The following NFXL1 variants were observed in gnomAD, a reference collection of about 807,000 sequenced individuals.
NFXL1 encodes the protein NF-X1-type zinc finger protein NFXL1.
A neutral mutation model predicts 123.3 loss-of-function variants in NFXL1; 66 were observed. That is an observed-to-expected ratio of 0.54 (90% confidence interval 0.44 to 0.66). NFXL1 has a LOEUF of 0.66. Among genes scored for constraint, NFXL1 ranks in the 30% least tolerant of loss-of-function variants. The pLI is 0.00. For synonymous variants in NFXL1, 346 were observed against 360.8 expected (o/e 0.96, Z 0.46); for missense variants, 944 against 1,125.6 (o/e 0.84, Z 2.31).
intron 12 of NFXL1, among the ~76,000 whole-genome samples, chr4:47,888,710 T>C (rs185826354): frequency 3.3e-5 from 5 of 150,696 alleles, no homozygotes; most frequent in Admixed American, 3.3e-4. Context: ...TCTGAGAAAC[T>C]AAATAAAGCA....
At chr4:47,859,054 A>G (rs1734574900) in intron 19 of NFXL1, among the ~76,000 whole-genome samples, 1 of 152,210 alleles carries the variant, frequency 6.6e-6, no homozygotes, top group African/African-American at 2.4e-5. Context: ...GGTTATCTTT[A>G]CTACAGATTT....
intron 18 of NFXL1, among the ~76,000 whole-genome samples, chr4:47,871,058 A>G (rs1043683272): frequency 1.3e-5 from 2 of 152,198 alleles, no homozygotes; most frequent in Non-Finnish European, 2.9e-5. Flanking sequence ...GAGTTAGAAA[A>G]TTCCCACTTG....
intron 18 of NFXL1, among the ~76,000 whole-genome samples, chr4:47,870,257 T>C (rs1735351792): frequency 6.6e-6 from 1 of 152,178 alleles, no homozygotes; most frequent in Admixed American, 6.5e-5. Flanking sequence ...TATAGACTAA[T>C]ACAATTAATG....
At chr4:47,874,677 G>A (rs1735637860) in intron 18 of NFXL1, among the ~76,000 whole-genome samples, 1 of 148,544 alleles carries the variant, frequency 6.7e-6, no homozygotes, top group Non-Finnish European at 1.5e-5. Context: ...GTTGGAAAAA[G>A]GGCATCAATA....
At chr4:47,899,926 T>C (rs1737290558) in intron 5 of NFXL1, among the ~76,000 whole-genome samples, 1 of 152,208 alleles carries the variant, frequency 6.6e-6, no homozygotes, top group Non-Finnish European at 1.5e-5. Flanking sequence ...ACAGCACATA[T>C]CTAGAATACA....
intron 9 of NFXL1, 108 bp from the exon 10 acceptor site, chr4:47,896,755 T>C: frequency 4.7e-6 from 3 of 633,804 alleles, no homozygotes; most frequent in South Asian, 2.3e-5. Context: ...TTTCAGACTA[T>C]AAATTTTTGT....
At chr4:47,897,930 C>T in intron 9 of NFXL1, 37 bp downstream of exon 9, 2 of 1,288,604 alleles carry the variant, frequency 1.6e-6, no homozygotes, top group Non-Finnish European at 2.2e-6. Flanking sequence ...CTTGACAGAT[C>T]ATTTCCTATA....
rs752493580 is a variant in NFXL1, at chr4:47,885,963, T to A, written c.1580A>T (p.Lys527Met). The change falls in exon 13 of 23, where the codon AAG (lysine) becomes ATG (methionine). Residue 527 changes from lysine (K) to methionine (M), a missense_variant. By Grantham distance (95) the Lys-to-Met change is moderately conservative (BLOSUM62 -1). This residue lies in a region of NFXL1 where 296 missense variants were observed against 395.1 expected (regional missense o/e 0.75). Transcript: ENST00000507489. The part of the protein sequence containing the change: ...CYPCPETVDV[K>M]CNCGNTKVTV... ...CACCTTTGTATTGCCACAATTACAC[T>A]TCACATCTACGGTTTCTGGGCAGGG... is the stretch of plus-strand genomic sequence containing the variant. The A allele has an allele frequency of 6.8e-6, 11 of 1,613,680 alleles. No individual in the cohort carries two copies. The highest frequency in any genetic ancestry group is 4.4e-5 in the South Asian group (4 of 91,038).
intron 9 of NFXL1, among the ~76,000 whole-genome samples, chr4:47,897,510 T>A (rs1413752056): frequency 6.6e-6 from 1 of 152,284 alleles, no homozygotes; most frequent in East Asian, 1.9e-4. Flanking sequence ...TACATAATAA[T>A]GACAATAGCA....
At chr4:47,871,337 C>A (rs1408451723) in intron 18 of NFXL1, among the ~76,000 whole-genome samples, 2 of 139,704 alleles carry the variant, frequency 1.4e-5, no homozygotes, top group Admixed American at 1.5e-4. Context: ...GGTGACAGAG[C>A]GAGACTCCGT....
chr4:47,877,789 A>G (rs1735845240), intron 17 of NFXL1, among the ~76,000 whole-genome samples: 1 of 152,116 alleles, frequency 6.6e-6, no homozygotes, highest in South Asian at 2.1e-4. Context: ...AGTCATATTA[A>G]TAATTTAAAT....
intron 20 of NFXL1, chr4:47,852,148 C>T: frequency 4.4e-6 from 2 of 449,998 alleles, no homozygotes; most frequent in Non-Finnish European, 7.8e-6. Flanking sequence ...AAAGAGAATA[C>T]CATAAAATTT....
intron 4 of NFXL1, among the ~76,000 whole-genome samples, chr4:47,904,190 TC>T (rs1421503934): frequency 3.9e-5 from 6 of 152,100 alleles, no homozygotes; most frequent in Non-Finnish European, 8.8e-5. Context: ...CCACAGAAGC[TC>T]AATCCTCCAG....
chr4:47,858,130 A>G (rs1000881848), intron 19 of NFXL1, among the ~76,000 whole-genome samples: 2 of 152,214 alleles, frequency 1.3e-5, no homozygotes. Flanking sequence ...CTGAAAACGT[A>G]TTCAAACTCA....
intron 2 of NFXL1, among the ~76,000 whole-genome samples, chr4:47,912,528 C>T (rs60515154): frequency 0.73 from 106,346 of 144,916 alleles, 39,241 homozygotes; most frequent in South Asian, 0.76. Flanking sequence ...GGGGCAATCT[C>T]GGCTACTGCA....
At chr4:47,867,024 C>T (rs1015856315) in intron 18 of NFXL1, among the ~76,000 whole-genome samples, 3 of 152,196 alleles carry the variant, frequency 2.0e-5, no homozygotes, top group African/African-American at 7.2e-5. Context: ...TACACTTCAC[C>T]TCATGTGCCT....
Position 47,884,431 on chromosome 4 carries a change from G to T in NFXL1, c.1831C>A (p.Pro611Thr). 6.3e-7 allele frequency: 1 copy of T among 1,597,484 alleles called. No homozygotes were observed. The highest frequency in any genetic ancestry group is 1.7e-5 in the Admixed American group (1 of 58,954). Residue 611 changes from proline to threonine, a missense_variant, in exon 15 of 23, where the codon CCT becomes ACT. Pro to Thr is a conservative substitution (Grantham distance 38). Coordinates refer to ENST00000507489, the MANE Select transcript of NFXL1 (RefSeq NM_001278624.2). ...ALIKQTGRHQ[P>T]TGPWEQPSEP... ...GAAGGCTGTTCCCAAGGGCCTGTAG[G>T]CTGGTGCTACAAATAAAATACATAA...
intron 18 of NFXL1, among the ~76,000 whole-genome samples, chr4:47,865,972 C>T (rs1026372028): frequency 1.3e-5 from 2 of 151,952 alleles, no homozygotes; most frequent in East Asian, 3.9e-4. Context: ...GCCGTGAGTG[C>T]GCCACTGCAT....
chr4:47,873,677 G>A (rs1295919252), intron 18 of NFXL1, among the ~76,000 whole-genome samples: 5 of 152,166 alleles, frequency 3.3e-5, no homozygotes, highest in Admixed American at 2.6e-4. Context: ...ACTAGATTTA[G>A]CATAATTGTG....
Sources: allele counts gnomAD v4.1 joint callset (sites outside exome capture counted in the v4.1 genomes callset), GRCh38; gene constraint gnomAD v4.1.1; regional missense constraint gnomAD v4.1.1; transcripts MANE v1.5; gene names NCBI Gene and HGNC (gene_info 2026-07-23, HGNC 2026-07-21).